The following SEPTIN9 variants were observed in gnomAD, a reference collection of about 807,000 sequenced individuals.
The protein encoded by SEPTIN9 is septin 9, also known as septin-9.
SEPTIN9 carries 13 observed loss-of-function variants against 56.6 expected under a neutral mutation model. The ratio of observed to expected loss-of-function variants is 0.23; its 90% CI spans 0.15 to 0.37. The LOEUF (loss-of-function observed/expected upper bound fraction) is 0.37, where lower values mean the gene tolerates loss of function less well. Ranked by LOEUF, SEPTIN9 falls within the 10% of genes least tolerant of loss-of-function variation. The pLI, the probability that SEPTIN9 is intolerant of heterozygous loss-of-function variation, is 1.00. For missense variants in SEPTIN9, 650 were observed against 823.1 expected (o/e 0.79, Z 2.57); for synonymous variants, 332 against 334.1 (o/e 0.99, Z 0.07).
intron 3 of SEPTIN9, among the ~76,000 whole-genome samples, chr17:77,407,282 CA>C (rs58585658): frequency 0.072 from 3,175 of 44,388 alleles, 20 homozygotes; most frequent in Admixed American, 0.14. Context: ...GACCCTGTCT[CA>C]AAAAAAAAAA....
Position 77,402,497 on chromosome 17 carries a change from T to G in SEPTIN9, c.515T>G (p.Val172Gly), listed in dbSNP as rs752469248. Residue 172 changes from valine (V) to glycine (G), a missense_variant, in exon 3 of 12, where the codon GTC (valine) becomes GGC (glycine). By Grantham distance (109) the Val-to-Gly change is moderately radical (BLOSUM62 -3). Around this residue, in one of 2 missense-constraint regions of SEPTIN9, gnomAD observed 317 missense variants for 329.1 expected, o/e 0.96. Coordinates refer to ENST00000427177, the MANE Select transcript of SEPTIN9 (RefSeq NM_001113491.2). This position sits in a 1 kb window ranked among gnomAD's most constrained non-coding sequence, Gnocchi z 6.6. ...AGGATGGAGCCCCCTGCCTCCAAGG[T>G]CCCCGAGGTGCCCACTGCCCCTGCC... ...HRRMEPPASK[V>G]PEVPTAPATD... 25 of 1,603,402 alleles carry G rather than the reference T, an allele frequency of 1.6e-5. No individual in the cohort carries two copies. The East Asian group carries it at 5.2e-4, about 33-fold the overall frequency.
At chr17:77,406,730 G>A (rs1052585587) in intron 3 of SEPTIN9, among the ~76,000 whole-genome samples, 23 of 151,956 alleles carry the variant, frequency 1.5e-4, no homozygotes, top group African/African-American at 1.2e-4. Context: ...GAGTGCAGTG[G>A]CATGATCTCA....
intron 3 of SEPTIN9, among the ~76,000 whole-genome samples, chr17:77,407,990 C>G (rs549569697): frequency 1.0e-3 from 153 of 152,028 alleles, no homozygotes; most frequent in Admixed American, 2.0e-3. Context: ...AGAGTTACCC[C>G]CCTCCGGCTC....
At chr17:77,420,525 C>G (rs1438862719) in intron 3 of SEPTIN9, among the ~76,000 whole-genome samples, 1 of 152,166 alleles carries the variant, frequency 6.6e-6, no homozygotes, top group Admixed American at 6.5e-5. Context: ...ACCCAGAGGA[C>G]CTGGGAATCC....
chr17:77,370,741 TG>T (rs1435777342), intron 2 of SEPTIN9, among the ~76,000 whole-genome samples: 1 of 152,192 alleles, frequency 6.6e-6, no homozygotes, highest in African/African-American at 2.4e-5. Flanking sequence ...GTGCCCCTTC[TG>T]GGACTGTGTG....
At chr17:77,486,343 A>G (rs926635802) in intron 4 of SEPTIN9, among the ~76,000 whole-genome samples, 11 of 151,716 alleles carry the variant, frequency 7.3e-5, no homozygotes, top group African/African-American at 1.5e-4. Context: ...GGCTCAAGCA[A>G]TCCTCCTGCC....
chr17:77,427,600 C>G (rs564354309), intron 3 of SEPTIN9, among the ~76,000 whole-genome samples: 3 of 152,164 alleles, frequency 2.0e-5, no homozygotes, highest in African/African-American at 7.2e-5. Context: ...GATCCGAGGC[C>G]GGGAAGAACA....
intron 3 of SEPTIN9, among the ~76,000 whole-genome samples, chr17:77,418,589 C>A (rs2036582924): frequency 6.6e-6 from 1 of 152,010 alleles, no homozygotes; most frequent in Admixed American, 6.5e-5. Flanking sequence ...GTGATCTGCC[C>A]ACCTCGGCTT....
At chr17:77,477,137 C>T (rs902823182) in intron 3 of SEPTIN9, among the ~76,000 whole-genome samples, 1 of 149,328 alleles carries the variant, frequency 6.7e-6, no homozygotes, top group Non-Finnish European at 1.5e-5. Context: ...TCCTTCCCTT[C>T]TTTCCCTTCC....
intron 2 of SEPTIN9, among the ~76,000 whole-genome samples, chr17:77,357,622 T>A (rs1328515433): frequency 6.6e-6 from 1 of 152,126 alleles, no homozygotes; most frequent in Non-Finnish European, 1.5e-5. Flanking sequence ...TCTCCTTTCC[T>A]TTCCTTTTCT....
At chr17:77,395,280 C>T (rs2035669182) in intron 2 of SEPTIN9, among the ~76,000 whole-genome samples, 1 of 152,008 alleles carries the variant, frequency 6.6e-6, no homozygotes, top group East Asian at 1.9e-4. Context: ...GTAATCGCAG[C>T]ACTTTGGGAG....
intron 3 of SEPTIN9, among the ~76,000 whole-genome samples, chr17:77,416,565 G>A (rs2036515780): frequency 6.6e-6 from 1 of 152,204 alleles, no homozygotes; most frequent in South Asian, 2.1e-4. Context: ...GGAGGAGCTG[G>A]GTGAGGATGC....
At position 77,487,085 on chromosome 17, in the gene SEPTIN9, T is replaced by C. The variant is rs2039824665; in HGVS notation, c.914-339T>C. Among the ~76,000 whole-genome samples, 1 of 152,180 alleles carries C rather than the reference T, an allele frequency of 6.6e-6. No individual in the cohort carries two copies. Among genetic ancestry groups the C allele is most frequent in the South Asian group, 2.1e-4 (1 of 4,826 alleles). ...TCCTCCGCCAGCCCGGCCTCTGTCCTGTCCAAAATCTGAGCCACCAGGAGA... is the reference window on the plus strand; with the variant it reads ...TCCTCCGCCAGCCCGGCCTCTGTCCCGTCCAAAATCTGAGCCACCAGGAGA... On this transcript the variant is annotated intron_variant, in intron 4 of 11. Coordinates refer to ENST00000427177, the MANE Select transcript of SEPTIN9 (RefSeq NM_001113491.2). The surrounding 1 kb of genome is among the most constrained non-coding windows in gnomAD (Gnocchi z 4.3).
Position 77,451,540 on chromosome 17 carries a change from T to C in SEPTIN9, c.722-30604T>C. 1 of 985,552 alleles carries C rather than the reference T, an allele frequency of 1.0e-6. No individual in the cohort carries two copies. Among genetic ancestry groups the C allele is most frequent in the East Asian group, 1.1e-4 (1 of 8,796 alleles). 61.1% of individuals were successfully genotyped at this position (985,552 alleles called of 1,614,324 possible). A position where few individuals can be genotyped will look rare whatever the true frequency, so the allele number is the denominator to read the frequency against. On this transcript the variant is annotated intron_variant, in intron 3 of 11. Coordinates refer to ENST00000427177, the MANE Select transcript of SEPTIN9 (RefSeq NM_001113491.2). This position sits in a 1 kb window ranked among gnomAD's most constrained non-coding sequence, Gnocchi z 4.2. ...GTTCCGCTGCTGGGGTGAGTCCTGC[T>C]CCTTTGTTCTTCCCAGCCTTGCACC...
In SEPTIN9 at chr17:77,482,268, C is replaced by T. The variant is rs1855087385; in HGVS notation, c.846C>T (p.Asp282=). 1 of 1,613,148 alleles carries T rather than the reference C, an allele frequency of 6.2e-7. No homozygotes were observed. The highest frequency in any genetic ancestry group is 1.7e-5 in the Admixed American group (1 of 60,010). ...APVDFGYVGI[D]SILEQMRRKA... ...TGGACTTCGGCTACGTGGGGATTGA[C>T]TCCATCCTGGAGCAGATGCGCCGGA... Residue 282 remains aspartate (D), a synonymous_variant, in exon 4 of 12, where the codon GAC becomes GAT. Coordinates refer to ENST00000427177, the MANE Select transcript of SEPTIN9 (RefSeq NM_001113491.2).
At chr17:77,428,913 A>ATT (rs1282598473) in intron 3 of SEPTIN9, 2 of 426,296 alleles carry the variant, frequency 4.7e-6, no homozygotes, top group Non-Finnish European at 1.0e-5. Context: ...TTGGGGACAA[A>ATT]TTTGGGGATT....
Position 77,307,178 on chromosome 17 carries a change from T to A in SEPTIN9, c.57T>A (p.Leu19=), listed in dbSNP as rs1375898850. ...TRTSSGRLRR[L]GDSSGPALKR... ...CCTCCAGTGGCCGGCTCCGGAGGCT[T>A]GGTGACTCCAGTGGCCCAGGTAGGT... Residue 19 remains leucine, a synonymous_variant, in exon 2 of 12, where the codon CTT becomes CTA. Coordinates refer to ENST00000427177, the MANE Select transcript of SEPTIN9 (RefSeq NM_001113491.2). The A allele has an allele frequency of 1.9e-6, 3 of 1,613,762 alleles. No homozygotes were observed. The highest frequency in any genetic ancestry group is 2.5e-6 in the Non-Finnish European group (3 of 1,179,866).
At chr17:77,284,381 A>G (rs535161881) in intron 1 of SEPTIN9, among the ~76,000 whole-genome samples, 41 of 152,260 alleles carry the variant, frequency 2.7e-4, no homozygotes, top group Non-Finnish European at 4.7e-4. Flanking sequence ...CACTGGGGAC[A>G]GGTTCTCTCT....
Position 77,451,232 on chromosome 17 carries a change from G to T in SEPTIN9, c.722-30912G>T. 1 of 267,574 alleles carries T rather than the reference G, an allele frequency of 3.7e-6. No homozygotes were observed. Among genetic ancestry groups the T allele is most frequent in the Non-Finnish European group, 5.8e-6 (1 of 173,586 alleles). The allele number at this position is 267,574 out of a possible 1,614,324, so 16.6% of individuals were successfully genotyped here. The stretch of plus-strand genomic sequence containing the variant: ...TTCCTTTAGCGTGTGGCAGCTCCTT[G>T]GCGTCCCTCCCGTGCCTTCAGGTTG... On this transcript the variant is annotated intron_variant, in intron 3 of 11. Transcript: ENST00000427177. This position sits in a 1 kb window ranked among gnomAD's most constrained non-coding sequence, Gnocchi z 4.2.
Sources: allele counts gnomAD v4.1 joint callset (sites outside exome capture counted in the v4.1 genomes callset), GRCh38; gene constraint gnomAD v4.1.1; regional missense constraint gnomAD v4.1.1; non-coding constraint Gnocchi (gnomAD v3.1); transcripts MANE v1.5; gene names NCBI Gene and HGNC (gene_info 2026-07-23, HGNC 2026-07-21).